Variants in UNC13B observed in about 807,000 individuals in gnomAD.
UNC13B encodes the protein protein unc-13 homolog B.
UNC13B carries 144 observed loss-of-function variants against 211.0 expected under a neutral mutation model. The observed-to-expected ratio is 0.68, with a 90% CI of 0.60 to 0.78. The LOEUF (loss-of-function observed/expected upper bound fraction) is 0.78, where lower values mean the gene tolerates loss of function less well. UNC13B is among the 30% of genes least tolerant of loss of function. The pLI is 0.00. For missense variants in UNC13B, 1,777 were observed against 2,002.0 expected (o/e 0.89, Z 2.14); for synonymous variants, 709 against 725.8 (o/e 0.98, Z 0.37).
At chr9:35,241,106 A>G (rs963759500) in intron 5 of UNC13B, among the ~76,000 whole-genome samples, 12 of 151,730 alleles carry the variant, frequency 7.9e-5, no homozygotes, top group Admixed American at 3.9e-4. Flanking sequence ...ATGGTGAATT[A>G]TTGTGTGTTG....
In UNC13B at chr9:35,307,396, A is replaced by G. The variant is rs1829978053; in HGVS notation, c.7992A>G (p.Glu2664=). 2 of 398,936 alleles carry G rather than the reference A, an allele frequency of 5.0e-6. No individual in the cohort carries two copies. The highest frequency in any genetic ancestry group is 2.5e-4 in the South Asian group (2 of 7,858). The allele number at this position is 398,936 out of a possible 1,614,324, so 24.7% of individuals were successfully genotyped here. Residue 2664 remains glutamate (E), a synonymous_variant, in exon 9 of 40, where the codon GAA becomes GAG. Transcript: ENST00000635942. The part of the protein sequence containing the change: ...QLHPDPTCIA[E]ELPPPIQPPL... ...ATCCAGATCCTACCTGCATTGCCGA[A>G]GAGCTTCCTCCTCCCATTCAGCCAC...
rs1829633730 is a variant in UNC13B at position 35,300,706 on chromosome 9, T to A, written c.1302T>A (p.Asp434Glu). The change falls in exon 9 of 40, where the codon GAT (aspartate) becomes GAA (glutamate). Residue 434 changes from aspartate (D) to glutamate (E), a missense_variant. Asp to Glu is a conservative substitution (Grantham distance 45, BLOSUM62 2). Transcript: ENST00000635942. The part of the protein sequence containing the change: ...RMNCDAKTLG[D>E]LSECSIEEIT... ...ATTGTGATGCAAAAACACTTGGAGA[T>A]CTGTCTGAGTGCTCTATAGAAGAGA... 1 of 398,844 alleles carries A rather than the reference T, an allele frequency of 2.5e-6. No individual in the cohort carries two copies. Among genetic ancestry groups the A allele is most frequent in the Non-Finnish European group, 4.4e-6 (1 of 226,040 alleles). 24.7% of individuals were successfully genotyped at this position (398,844 alleles called of 1,614,324 possible). A position where few individuals can be genotyped will look rare whatever the true frequency, so the allele number is the denominator to read the frequency against.
intron 11 of UNC13B, among the ~76,000 whole-genome samples, chr9:35,315,532 TTGGA>T (rs138723539): frequency 0.011 from 1,605 of 152,246 alleles, 26 homozygotes; most frequent in African/African-American, 0.036. Context: ...TGAGAGAAAA[TTGGA>T]GACATGATAT....
At chr9:35,381,773 T>G in intron 20 of UNC13B, 54 bp downstream of exon 20, 1 of 1,592,350 alleles carries the variant, frequency 6.3e-7, no homozygotes, top group South Asian at 1.1e-5. Context: ...GGGTGGCTAA[T>G]TAAGGCACAC....
intron 11 of UNC13B, chr9:35,353,887 T>C (rs1274442378): frequency 2.1e-6 from 2 of 940,068 alleles, no homozygotes; most frequent in African/African-American, 3.4e-5. Flanking sequence ...AGACCTGGTG[T>C]GGTGGCCAGT....
At chr9:35,401,671 C>G (rs956676537) in intron 37 of UNC13B, among the ~76,000 whole-genome samples, 2 of 152,186 alleles carry the variant, frequency 1.3e-5, no homozygotes, top group African/African-American at 4.8e-5. Flanking sequence ...AAGCCTACAG[C>G]CTGTCTCTTG....
rs776417996 is a variant in UNC13B at position 35,377,490 on chromosome 9, A to G, written c.9858A>G (p.Lys3286=). ...CLQRAAEKSC[K]HGAEDRTQNI... is the part of the protein sequence containing the mutation. ...CAGGGGCTGCAGAAAAGAGCTGTAA[A>G]CATGGAGCTGAGGACCGGACCCAGA... The change falls in exon 16 of 40, where the codon AAA becomes AAG. Residue 3286 remains lysine (K), a synonymous_variant. Transcript: ENST00000635942. The G allele has an allele frequency of 1.5e-5, 25 of 1,614,114 alleles. No homozygotes were observed. In the Admixed American group the frequency reaches 4.2e-4, roughly 27 times the overall value.
At chr9:35,349,987 A>T (rs1832611675) in intron 11 of UNC13B, among the ~76,000 whole-genome samples, 1 of 152,182 alleles carries the variant, frequency 6.6e-6, no homozygotes, top group African/African-American at 2.4e-5. Context: ...TCTCCATCAA[A>T]TCTAGAAAAT....
intron 7 of UNC13B, among the ~76,000 whole-genome samples, chr9:35,286,696 A>T (rs1302832304): frequency 6.6e-6 from 1 of 152,142 alleles, no homozygotes; most frequent in Admixed American, 6.5e-5. Flanking sequence ...TTCTACAAAA[A>T]AATAATACCA....
At chr9:35,183,284 G>A (rs1252461786) in intron 1 of UNC13B, among the ~76,000 whole-genome samples, 19 of 122,008 alleles carry the variant, frequency 1.6e-4, no homozygotes, top group African/African-American at 5.8e-4. Context: ...CAGGCGGGGT[G>A]GCCGGGCAGA....
chr9:35,259,183 G>A, intron 7 of UNC13B, 133 bp downstream of exon 7: 1 of 921,136 alleles, frequency 1.1e-6, no homozygotes, highest in Non-Finnish European at 1.6e-6. Flanking sequence ...AAGCACATCT[G>A]TTCAGGCGCC....
At chr9:35,268,145 T>C (rs1827677158) in intron 7 of UNC13B, among the ~76,000 whole-genome samples, 1 of 152,150 alleles carries the variant, frequency 6.6e-6, no homozygotes, top group Non-Finnish European at 1.5e-5. Context: ...TTGTGAATTA[T>C]GAAGCTCCTC....
intron 7 of UNC13B, among the ~76,000 whole-genome samples, chr9:35,270,852 C>G (rs1229286278): frequency 6.6e-6 from 1 of 151,766 alleles, no homozygotes; most frequent in Non-Finnish European, 1.5e-5. Flanking sequence ...GTTAAAAAGG[C>G]ATTTTCGGCC....
At chr9:35,326,923 T>G (rs376571162) in intron 11 of UNC13B, among the ~76,000 whole-genome samples, 3 of 152,198 alleles carry the variant, frequency 2.0e-5, no homozygotes, top group Non-Finnish European at 4.4e-5. Context: ...GTCTTTTTGT[T>G]GTTGAGTTGT....
intron 21 of UNC13B, among the ~76,000 whole-genome samples, chr9:35,383,176 G>T (rs577860726): frequency 6.6e-6 from 1 of 152,316 alleles, no homozygotes; most frequent in East Asian, 1.9e-4. Context: ...CATATTACTT[G>T]AGTTGATATG....
At position 35,231,188 on chromosome 9, in the gene UNC13B, G is replaced by C. The variant is rs768383834; in HGVS notation, c.121G>C (p.Asp41His). The C allele has an allele frequency of 3.1e-6, 5 of 1,613,274 alleles. No homozygotes were observed. The highest frequency in any genetic ancestry group is 4.2e-6 in the Non-Finnish European group (5 of 1,179,474). The change falls in exon 3 of 40, where the codon GAT becomes CAT. Residue 41 changes from aspartate to histidine, a missense_variant. Transcript: ENST00000635942. ...GAGCACAACTGTAGCAGTTCGTGGT[G>C]ATCAGCCTTCCTGGGAACAGGATTT... ...VKSTTVAVRG[D>H]QPSWEQDFMF...
intron 11 of UNC13B, chr9:35,353,421 TG>T (rs1832841916): frequency 1.6e-6 from 2 of 1,232,128 alleles, no homozygotes; most frequent in Non-Finnish European, 2.0e-6. Flanking sequence ...CTTGGGACAG[TG>T]AGTTCAGGGG....
At chr9:35,198,621 G>A (rs932023605) in intron 1 of UNC13B, among the ~76,000 whole-genome samples, 10 of 152,130 alleles carry the variant, frequency 6.6e-5, no homozygotes, top group Admixed American at 3.3e-4. Context: ...GGCAGAGGTT[G>A]GACGAGTGTG....
chr9:35,229,404 C>T (rs1564080255), intron 2 of UNC13B, among the ~76,000 whole-genome samples: 1 of 152,170 alleles, frequency 6.6e-6, no homozygotes, highest in Non-Finnish European at 1.5e-5. Context: ...GTTTCTCTCC[C>T]AGCTGGTTTT....
Sources: gnomAD v4.1 joint callset for allele counts (sites outside exome capture counted in the v4.1 genomes callset) on GRCh38, gnomAD v4.1.1 for gene constraint, MANE v1.5 for transcripts, NCBI Gene and HGNC (gene_info 2026-07-23, HGNC 2026-07-21) for gene names.